KCNN3: variants seen among roughly 807,000 people sequenced by gnomAD.
KCNN3 encodes potassium calcium-activated channel subfamily N member 3.
A neutral mutation model predicts 62.9 loss-of-function variants in KCNN3; 16 were observed. The observed-to-expected ratio is 0.25, with a 90% CI of 0.17 to 0.39. The LOEUF is 0.39. KCNN3 is among the 10% of genes least tolerant of loss of function. KCNN3 has a pLI of 1.00. For missense variants in KCNN3, 599 were observed against 949.4 expected, an observed-to-expected ratio of 0.63 and a Z score of 4.85; for synonymous variants, 370 against 389.2, an observed-to-expected ratio of 0.95 and a Z score of 0.58.
chr1:154,827,380 C>A (rs1651180794), intron 1 of KCNN3, among the ~76,000 whole-genome samples: 1 of 152,206 alleles, frequency 6.6e-6, no homozygotes, highest in Admixed American at 6.5e-5. Flanking sequence ...TCCACATCAG[C>A]ACCAAGCCCT....
rs766379430 is a variant in KCNN3 at position 154,869,967 on chromosome 1, T to C, written c.-3A>G. The C allele has an allele frequency of 3.1e-6, 5 of 1,610,400 alleles. No homozygotes were observed. In the East Asian group the frequency reaches 8.9e-5, roughly 29 times the overall value. On this transcript the variant is annotated 5_prime_UTR_variant, in exon 1 of 8. Transcript: ENST00000271915. The surrounding 1 kb of genome is among the most constrained non-coding windows in gnomAD (Gnocchi z 6.1). ...TGGAAGTGCCCAGAAGTGTCCATCT[T>C]GGGGCCTGGCTGTATTCCCTGCAGC...
At chr1:154,711,021 C>G (rs1360396551) in intron 7 of KCNN3, among the ~76,000 whole-genome samples, 1 of 152,152 alleles carries the variant, frequency 6.6e-6, no homozygotes, top group South Asian at 2.1e-4. Flanking sequence ...ATAAATCATG[C>G]TGCTGTAAAG....
intron 3 of KCNN3, among the ~76,000 whole-genome samples, chr1:154,761,430 T>G (rs1409862705): frequency 6.6e-6 from 1 of 152,076 alleles, no homozygotes; most frequent in Non-Finnish European, 1.5e-5. Flanking sequence ...ATTGCGCCAC[T>G]GCACTACAGC....
chr1:154,756,940 T>C (rs1251985548), intron 3 of KCNN3, among the ~76,000 whole-genome samples: 4 of 152,202 alleles, frequency 2.6e-5, no homozygotes, highest in African/African-American at 9.7e-5. Flanking sequence ...ACAGTATTAT[T>C]ATTTAGCAAG....
At chr1:154,754,499 G>T (rs373827684) in intron 3 of KCNN3, among the ~76,000 whole-genome samples, 1 of 152,160 alleles carries the variant, frequency 6.6e-6, no homozygotes, top group South Asian at 2.1e-4. Context: ...ACATTTTCCC[G>T]CCATGTGAAT....
At chr1:154,819,711 G>C (rs538139207) in intron 2 of KCNN3, among the ~76,000 whole-genome samples, 2 of 152,290 alleles carry the variant, frequency 1.3e-5, no homozygotes, top group East Asian at 3.9e-4. Flanking sequence ...AGGATAAGGG[G>C]CTGGGTGGTG....
At chr1:154,759,023 G>T (rs1175266158) in intron 3 of KCNN3, among the ~76,000 whole-genome samples, 1 of 152,180 alleles carries the variant, frequency 6.6e-6, no homozygotes, top group Non-Finnish European at 1.5e-5. Flanking sequence ...GGCCAGGGTG[G>T]TATGGAACTC....
chr1:154,848,098 C>T (rs1652152061), intron 1 of KCNN3, among the ~76,000 whole-genome samples: 1 of 152,210 alleles, frequency 6.6e-6, no homozygotes, highest in Non-Finnish European at 1.5e-5. Flanking sequence ...GGAGGCCTCC[C>T]CCCCTCCCCA....
At chr1:154,724,600 G>A (rs1700421985) in intron 5 of KCNN3, among the ~76,000 whole-genome samples, 1 of 152,096 alleles carries the variant, frequency 6.6e-6, no homozygotes, top group Non-Finnish European at 1.5e-5. Context: ...TGCCCATTTG[G>A]CCTGCTGTTA....
intron 3 of KCNN3, among the ~76,000 whole-genome samples, chr1:154,758,104 C>T (rs553622026): frequency 9.2e-5 from 14 of 152,246 alleles, no homozygotes; most frequent in Non-Finnish European, 1.8e-4. Context: ...AGAAACTACA[C>T]GTTTTAACCA....
At chr1:154,766,119 C>T (rs1284743337) in intron 3 of KCNN3, among the ~76,000 whole-genome samples, 1 of 151,954 alleles carries the variant, frequency 6.6e-6, no homozygotes, top group African/African-American at 2.4e-5. Context: ...CTCCGCCTGG[C>T]ACCAGAAGGG....
chr1:154,791,843 A>T (rs1293981993), intron 2 of KCNN3, among the ~76,000 whole-genome samples: 3 of 152,104 alleles, frequency 2.0e-5, no homozygotes, highest in Non-Finnish European at 4.4e-5. Flanking sequence ...GGAAGGAAAA[A>T]CCAAACCTCC....
chr1:154,787,184 A>G (rs372910408), intron 2 of KCNN3, among the ~76,000 whole-genome samples: 19 of 152,348 alleles, frequency 1.2e-4, no homozygotes, highest in African/African-American at 4.6e-4. Flanking sequence ...TTCCTATCGT[A>G]GGCACTGAAA....
intron 3 of KCNN3, among the ~76,000 whole-genome samples, chr1:154,746,346 G>A (rs1459754395): frequency 6.6e-5 from 10 of 152,158 alleles, no homozygotes; most frequent in East Asian, 1.9e-4. Context: ...ACAGTGCTGC[G>A]GGTGGAGTGG....
At chr1:154,835,132 G>A (rs1290409473) in intron 1 of KCNN3, among the ~76,000 whole-genome samples, 1 of 152,182 alleles carries the variant, frequency 6.6e-6, no homozygotes, top group African/African-American at 2.4e-5. Flanking sequence ...TTCCAGGGTT[G>A]TTGTGAGGAA....
At chr1:154,796,652 G>A (rs1181094781) in intron 2 of KCNN3, among the ~76,000 whole-genome samples, 1 of 152,248 alleles carries the variant, frequency 6.6e-6, no homozygotes, top group Non-Finnish European at 1.5e-5. Context: ...TCAACCGATT[G>A]TGTCCGTAAA....
chr1:154,821,233 G>A (rs1650879474), intron 2 of KCNN3, among the ~76,000 whole-genome samples: 1 of 152,198 alleles, frequency 6.6e-6, no homozygotes. Flanking sequence ...CTCGCCTGCT[G>A]CCCAGATGTG....
At chr1:154,867,885 C>T in intron 1 of KCNN3, 2 of 939,342 alleles carry the variant, frequency 2.1e-6, no homozygotes, top group Non-Finnish European at 2.5e-6. Flanking sequence ...ATTCCCAGGT[C>T]TCCAAGCCTT....
At chr1:154,766,303 G>A (rs12134335) in intron 3 of KCNN3, among the ~76,000 whole-genome samples, 36,922 of 149,594 alleles carry the variant, frequency 0.25, 4,752 homozygotes, top group African/African-American at 0.31. Flanking sequence ...TAAAATCATG[G>A]GCTCCTACCA....
Sources: gnomAD v4.1 joint callset for allele counts (sites outside exome capture counted in the v4.1 genomes callset) on GRCh38, gnomAD v4.1.1 for gene constraint, Gnocchi (gnomAD v3.1) non-coding constraint, MANE v1.5 for transcripts, NCBI Gene and HGNC (gene_info 2026-07-23, HGNC 2026-07-21) for gene names.